The following CEP112 variants were observed in gnomAD, a reference collection of about 807,000 sequenced individuals.
CEP112 encodes the protein centrosomal protein of 112 kDa.
A neutral mutation model predicts 153.0 loss-of-function variants in CEP112; 127 were observed. The observed-to-expected ratio is 0.83, with a 90% confidence interval of 0.72 to 0.96. The LOEUF (loss-of-function observed/expected upper bound fraction) is 0.96. Ranked by LOEUF, CEP112 falls within the 40% of genes least tolerant of loss-of-function variation. The pLI, the probability that CEP112 is intolerant of heterozygous loss-of-function variation, is 0.00. For synonymous variants in CEP112, 358 were observed against 374.4 expected, an observed-to-expected ratio of 0.96 and a Z score of 0.51; for missense variants, 1,089 against 1,101.2, an observed-to-expected ratio of 0.99 and a Z score of 0.16.
At chr17:66,118,383 A>T (rs571186058) in intron 6 of CEP112, among the ~76,000 whole-genome samples, 1 of 152,280 alleles carries the variant, frequency 6.6e-6, no homozygotes, top group South Asian at 2.1e-4. Context: ...TATAAGAATG[A>T]AATACTGTCA....
chr17:65,779,918 GTACTGAGTTTCTCATTAAATACTGGACC>G (rs2053904312), intron 21 of CEP112, among the ~76,000 whole-genome samples: 1 of 152,018 alleles, frequency 6.6e-6, no homozygotes, highest in African/African-American at 2.4e-5. Flanking sequence ...ATTAAACTCA[GTACTGAGTTTCTCATTAAATACTGGACC>G]TACTGAGTTT....
intron 4 of CEP112, among the ~76,000 whole-genome samples, 178 bp from the exon 5 acceptor site, chr17:66,132,941 G>A (rs1412256773): frequency 6.6e-6 from 1 of 152,008 alleles, no homozygotes; most frequent in Admixed American, 6.6e-5. Context: ...GGGAGGCTGG[G>A]GCAAGGAGAA....
intron 21 of CEP112, among the ~76,000 whole-genome samples, chr17:65,775,316 A>G (rs2053614537): frequency 6.6e-6 from 1 of 152,088 alleles, no homozygotes. Context: ...ACCCTCAAGC[A>G]TGGCAGAGAC....
intron 21 of CEP112, among the ~76,000 whole-genome samples, chr17:65,804,936 C>T (rs893320306): frequency 1.3e-5 from 2 of 151,846 alleles, no homozygotes; most frequent in African/African-American, 4.8e-5. Flanking sequence ...TCAACCTCCA[C>T]CTCCTGGGTT....
intron 21 of CEP112, among the ~76,000 whole-genome samples, chr17:65,813,082 G>A (rs1201389770): frequency 6.6e-6 from 1 of 152,136 alleles, no homozygotes; most frequent in Admixed American, 6.5e-5. Flanking sequence ...CTGAATCCAG[G>A]TGACTAGCAG....
chr17:66,015,356 C>T lies in CEP112; in HGVS notation c.1657-9587G>A, dbSNP rs979261237. 2.0e-5 allele frequency among the ~76,000 whole-genome samples: 3 copies of T among 150,868 alleles called. No homozygotes were observed. The Admixed American group carries it at 2.0e-4, about 10-fold the overall frequency. On this transcript the variant is annotated intron_variant, in intron 16 of 26. Coordinates refer to ENST00000535342, the MANE Select transcript of CEP112 (RefSeq NM_001199165.4). ...AAATTCATCTCTATTTTAATTTTGG[C>T]ATTCACCAGTACTTTTTCGTTCTTG...
At chr17:65,948,356 C>T (rs2061709476) in intron 18 of CEP112, among the ~76,000 whole-genome samples, 1 of 151,920 alleles carries the variant, frequency 6.6e-6, no homozygotes, top group South Asian at 2.1e-4. Flanking sequence ...GATGTATTTT[C>T]AAGAGGAGAA....
At chr17:65,915,524 G>C (rs886241090) in intron 19 of CEP112, among the ~76,000 whole-genome samples, 1 of 152,086 alleles carries the variant, frequency 6.6e-6, no homozygotes, top group Non-Finnish European at 1.5e-5. Flanking sequence ...AGTAGCTCAC[G>C]CCTGTAATCC....
intron 24 of CEP112, among the ~76,000 whole-genome samples, chr17:65,677,307 G>A (rs1029638416): frequency 2.0e-5 from 3 of 152,104 alleles, no homozygotes; most frequent in Non-Finnish European, 4.4e-5. Context: ...AGCTAAGTAC[G>A]TATTAAGTTG....
At chr17:66,121,053 C>T (rs995399042) in intron 6 of CEP112, among the ~76,000 whole-genome samples, 11 of 151,850 alleles carry the variant, frequency 7.2e-5, no homozygotes, top group African/African-American at 1.2e-4. Context: ...CCGAGGCGGG[C>T]GGATCGCCTG....
intron 20 of CEP112, among the ~76,000 whole-genome samples, chr17:65,895,334 CTTG>C (rs34014813): frequency 0.33 from 50,484 of 151,438 alleles, 10,411 homozygotes; most frequent in Middle Eastern, 0.47. Context: ...ACCATAAATA[CTTG>C]TTGTTGTTGT....
At chr17:66,023,262 T>C (rs1041973523) in intron 16 of CEP112, among the ~76,000 whole-genome samples, 2 of 152,034 alleles carry the variant, frequency 1.3e-5, no homozygotes, top group Non-Finnish European at 2.9e-5. Flanking sequence ...TAAGAAATAG[T>C]CATCAGATGT....
intron 21 of CEP112, among the ~76,000 whole-genome samples, chr17:65,798,791 C>T (rs1375953509): frequency 3.3e-5 from 5 of 152,180 alleles, no homozygotes; most frequent in Non-Finnish European, 7.3e-5. Context: ...AAGTGCTTTT[C>T]TGATGAACTA....
At chr17:66,070,092 GAC>G in intron 8 of CEP112, 91 bp from the exon 9 acceptor site, 1 of 692,670 alleles carries the variant, frequency 1.4e-6, no homozygotes, top group Non-Finnish European at 2.5e-6. Flanking sequence ...CTATAAAAAA[GAC>G]AGTTATCATT....
At chr17:65,792,009 G>A (rs1003297864) in intron 21 of CEP112, among the ~76,000 whole-genome samples, 4 of 152,102 alleles carry the variant, frequency 2.6e-5, no homozygotes, top group African/African-American at 9.7e-5. Context: ...AAGTCATTTT[G>A]GGATTTGATC....
intron 24 of CEP112, 149 bp from the exon 25 acceptor site, chr17:65,641,214 G>C: frequency 1.8e-6 from 1 of 566,072 alleles, no homozygotes; most frequent in African/African-American, 1.9e-5. Context: ...TAAGAAGAAA[G>C]AGTTAAAAAC....
chr17:65,693,694 C>T (rs2048228251), intron 23 of CEP112, among the ~76,000 whole-genome samples: 2 of 152,264 alleles, frequency 1.3e-5, no homozygotes, highest in Non-Finnish European at 2.9e-5. Context: ...GTTGAAGGTG[C>T]TGGCGGGACT....
chr17:66,151,902 A>T (rs1568551672), intron 4 of CEP112, among the ~76,000 whole-genome samples: 1 of 152,182 alleles, frequency 6.6e-6, no homozygotes, highest in Non-Finnish European at 1.5e-5. Flanking sequence ...AAAAAAATTA[A>T]AAAATTTTAA....
chr17:66,097,591 T>C (rs949177047), intron 6 of CEP112, among the ~76,000 whole-genome samples: 1 of 152,206 alleles, frequency 6.6e-6, no homozygotes, highest in African/African-American at 2.4e-5. Flanking sequence ...CACTCTCTCA[T>C]AGCCCTTATG....
Sources: gnomAD v4.1 joint callset for allele counts (sites outside exome capture counted in the v4.1 genomes callset) on GRCh38, gnomAD v4.1.1 for gene constraint, MANE v1.5 for transcripts, NCBI Gene and HGNC (gene_info 2026-07-23, HGNC 2026-07-21) for gene names.